ZNF577: variants seen among roughly 807,000 people sequenced by gnomAD.
ZNF577 encodes zinc finger protein 577.
A neutral mutation model predicts 13.9 loss-of-function variants in ZNF577; 14 were observed. The observed-to-expected ratio is 1.00, with a 90% CI of 0.66 to 1.57. The LOEUF is 1.57. ZNF577 is among the 40% of genes most tolerant of loss of function. ZNF577 has a pLI of 0.00. For synonymous variants in ZNF577, 203 were observed against 202.9 expected, an observed-to-expected ratio of 1.00 and a Z score of 0.00; for missense variants, 555 against 579.2, an observed-to-expected ratio of 0.96 and a Z score of 0.43.
At chr19:51,844,597 T>C (rs1325422409) in intron 6 of ZNF577, among the ~76,000 whole-genome samples, 2 of 152,230 alleles carry the variant, frequency 1.3e-5, no homozygotes, top group African/African-American at 2.4e-5. Flanking sequence ...GACATGGAGA[T>C]AGATCTCCCT....
At chr19:51,860,326 T>C (rs1351662818) in intron 5 of ZNF577, 1 of 152,252 alleles carries the variant, frequency 6.6e-6, no homozygotes, top group Non-Finnish European at 1.5e-5. Context: ...TGTTTAATGC[T>C]ATCTAATCCT....
chr19:51,852,532 T>G (rs2084383983), intron 5 of ZNF577, among the ~76,000 whole-genome samples: 1 of 152,182 alleles, frequency 6.6e-6, no homozygotes, highest in Admixed American at 6.5e-5. Context: ...TTGAGGTTTA[T>G]AGAGCAAAGA....
rs1242720926 is a variant in ZNF577 at position 51,886,806 on chromosome 19, CAG to C, written c.-219+13_-219+14del. 2 of 152,106 alleles carry C rather than the reference CAG, an allele frequency of 1.3e-5. No individual in the cohort carries two copies. Among genetic ancestry groups the C allele is most frequent in the Non-Finnish European group, 2.9e-5 (2 of 68,028 alleles). The allele number at this position is 152,106 out of a possible 1,614,324, so 9.4% of individuals were successfully genotyped here. ...TTTTCCACAAATAAGGAAACTGACT[CAG>C]AGATTAACGTACCCAAGTCAGAGGC... is the stretch of plus-strand genomic sequence containing the variant. On this transcript the variant is annotated intron_variant, in intron 1 of 5. Transcript: ENST00000638348.
chr19:51,843,042 TG>T, intron 7 of ZNF577: 1 of 152,270 alleles, frequency 6.6e-6, no homozygotes, highest in African/African-American at 2.4e-5. Context: ...AAATTACATA[TG>T]GTCACTGTAC....
chr19:51,824,125 G>T lies in ZNF577; in HGVS notation c.*600-12451C>A. 4 of 1,613,938 alleles carry T rather than the reference G, an allele frequency of 2.5e-6. No individual in the cohort carries two copies. The highest frequency in any genetic ancestry group is 3.4e-6 in the Non-Finnish European group (4 of 1,179,924). ...ATCATTGCTCTGGACCGCTGTATTT[G>T]TGTCCTGCATCCAGCCTGGGCCCAG... On this transcript the variant is annotated intron_variant and NMD_transcript_variant, in intron 9 of 10. Transcript: ENST00000638827. This position sits in a 1 kb window ranked among gnomAD's most constrained non-coding sequence, Gnocchi z 4.7.
chr19:51,875,983 C>T (rs1439803151), intron 5 of ZNF577, among the ~76,000 whole-genome samples: 1 of 152,148 alleles, frequency 6.6e-6, no homozygotes, highest in Admixed American at 6.5e-5. Flanking sequence ...GGTGACCAGG[C>T]ACCGGAGTGA....
At position 51,869,315 on chromosome 19, in the gene ZNF577, G is replaced by A. The variant is rs574570085; in HGVS notation, c.*3217C>T. 1.3e-5 allele frequency among the ~76,000 whole-genome samples: 2 copies of A among 152,310 alleles called. No individual in the cohort carries two copies. Among genetic ancestry groups the A allele is most frequent in the South Asian group, 2.1e-4 (1 of 4,820 alleles). ...GCTGGATGTGAGACATGCTGGCAGCGATACTGTTCTTTACTGCACTGAGAT... is the reference window on the plus strand; with the variant it reads ...GCTGGATGTGAGACATGCTGGCAGCAATACTGTTCTTTACTGCACTGAGAT... On this transcript the variant is annotated 3_prime_UTR_variant, in exon 6 of 6. Coordinates refer to ENST00000638348, the MANE Select transcript of ZNF577 (RefSeq NM_001370449.1).
chr19:51,876,346 G>A (rs1272541532), intron 5 of ZNF577, among the ~76,000 whole-genome samples: 1 of 152,048 alleles, frequency 6.6e-6, no homozygotes, highest in Non-Finnish European at 1.5e-5. Flanking sequence ...TTAGAGTGCA[G>A]ATGAGACGTT....
chr19:51,875,057 A>G (rs1411349972), intron 5 of ZNF577, among the ~76,000 whole-genome samples: 1 of 152,134 alleles, frequency 6.6e-6, no homozygotes, highest in Non-Finnish European at 1.5e-5. Context: ...CAGCATAGAC[A>G]CAAAGGAGAT....
intron 4 of ZNF577, 143 bp from the exon 5 acceptor site, chr19:51,877,520 G>A (rs1444423028): frequency 2.1e-5 from 13 of 632,838 alleles, no homozygotes; most frequent in Admixed American, 1.1e-4. Flanking sequence ...CAACCACTTC[G>A]TGCCAGGGAG....
intron 9 of ZNF577, among the ~76,000 whole-genome samples, chr19:51,838,979 C>T (rs1300190237): frequency 6.6e-6 from 1 of 152,108 alleles, no homozygotes; most frequent in African/African-American, 2.4e-5. Flanking sequence ...AAAATTGCCA[C>T]AGAAAGGTAT....
rs767216696 is a variant in ZNF577 at position 51,824,181 on chromosome 19, G to C, written c.*600-12507C>G. 6.2e-7 allele frequency: 1 copy of C among 1,614,142 alleles called. No homozygotes were observed. The highest frequency in any genetic ancestry group is 1.7e-5 in the Admixed American group (1 of 60,030). ...TCGCACCATGAGTCTGGCCAAGAGG[G>C]TGATGACGGGACTCTGGATTTTCAC... On this transcript the variant is annotated intron_variant and NMD_transcript_variant, in intron 9 of 10. Coordinates refer to the ZNF577 transcript ENST00000638827. This position sits in a 1 kb window ranked among gnomAD's most constrained non-coding sequence, Gnocchi z 4.7.
At chr19:51,878,674 C>A in intron 3 of ZNF577, 159 bp from the exon 4 acceptor site, 1 of 796,940 alleles carries the variant, frequency 1.3e-6, no homozygotes, top group Non-Finnish European at 1.9e-6. Flanking sequence ...ATTCTGCCTA[C>A]CCTAAAAGCA....
chr19:51,847,134 CGCACACACAT>C (rs1454314058), intron 5 of ZNF577, among the ~76,000 whole-genome samples: 1 of 152,002 alleles, frequency 6.6e-6, no homozygotes, highest in African/African-American at 2.4e-5. Flanking sequence ...CACTCGTGTA[CGCACACACAT>C]GCACACACAT....
chr19:51,818,105 G>A (rs993870435), intron 9 of ZNF577, among the ~76,000 whole-genome samples: 1 of 151,800 alleles, frequency 6.6e-6, no homozygotes, highest in Non-Finnish European at 1.5e-5. Context: ...GCAAACTGTC[G>A]CAAGGACAAA....
intron 9 of ZNF577, among the ~76,000 whole-genome samples, chr19:51,836,044 C>T (rs2084285930): frequency 6.6e-6 from 1 of 152,182 alleles, no homozygotes; most frequent in Admixed American, 6.5e-5. Flanking sequence ...TAAAGTGACA[C>T]ATACTTTACA....
intron 10 of ZNF577, among the ~76,000 whole-genome samples, chr19:51,808,593 CTT>C (rs1387141093): frequency 1.3e-5 from 2 of 152,156 alleles, no homozygotes; most frequent in African/African-American, 4.8e-5. Context: ...AACAGGTTCT[CTT>C]TGATTAATAG....
At position 51,838,759 on chromosome 19, in the gene ZNF577, A is replaced by G. The variant is rs372771404; in HGVS notation, c.*599+1134T>C. On this transcript the variant is annotated intron_variant and NMD_transcript_variant, in intron 9 of 10. Coordinates refer to the ZNF577 transcript ENST00000638827. ...ATTTAATAACATAGTACAAAAGATA[A>G]GTTTGGTATAGATGGTAAATTGTAG... Among the ~76,000 whole-genome samples, 242 of 151,900 alleles carry G rather than the reference A, an allele frequency of 1.6e-3. 3 individuals carry two copies. The South Asian group carries it at 0.024, about 15-fold the overall frequency.
chr19:51,863,110 A>G (rs1487118526), downstream of ZNF577: 1 of 152,230 alleles, frequency 6.6e-6, no homozygotes, highest in Non-Finnish European at 1.5e-5. Context: ...CTGATGAGCA[A>G]TGAGCTTTAA....
Sources: allele counts gnomAD v4.1 joint callset (sites outside exome capture counted in the v4.1 genomes callset), GRCh38; gene constraint gnomAD v4.1.1; non-coding constraint Gnocchi (gnomAD v3.1); transcripts MANE v1.5; gene names NCBI Gene and HGNC (gene_info 2026-07-23, HGNC 2026-07-21).